Variants in MTUS2 observed in about 807,000 individuals in gnomAD.
MTUS2 encodes the protein microtubule associated scaffold protein 2.
MTUS2 carries 40 observed loss-of-function variants against 114.1 expected under a neutral mutation model. That is an observed-to-expected ratio of 0.35 (90% CI 0.27 to 0.46). The LOEUF (loss-of-function observed/expected upper bound fraction) is 0.46. Among genes scored for constraint, MTUS2 ranks in the 20% least tolerant of loss-of-function variants. The pLI is 1.00. For missense variants in MTUS2, 1,679 were observed against 1,705.4 expected (o/e 0.98, Z 0.27); for synonymous variants, 688 against 672.0 (o/e 1.02, Z -0.37).
chr13:28,997,164 T>C (rs1183841486), intron 2 of MTUS2, among the ~76,000 whole-genome samples: 1 of 152,220 alleles, frequency 6.6e-6, no homozygotes, highest in Admixed American at 6.5e-5. Flanking sequence ...CCAGTAGTCA[T>C]TCAGGAGCAG....
At chr13:29,371,970 A>ACCCCACCCC (rs1871218224) in intron 8 of MTUS2, among the ~76,000 whole-genome samples, 1 of 11,534 alleles carries the variant, frequency 8.7e-5, no homozygotes, top group Non-Finnish European at 2.6e-4. Flanking sequence ...AGTGTCCTCA[A>ACCCCACCCC]CCCCCGCCCC....
chr13:28,894,529 G>T (rs1443283589), intron 2 of MTUS2, among the ~76,000 whole-genome samples: 1 of 152,146 alleles, frequency 6.6e-6, no homozygotes, highest in Non-Finnish European at 1.5e-5. Context: ...TGTTGTTTGA[G>T]CCAGCCAGTC....
chr13:28,819,977 G>A (rs957094044), upstream of MTUS2, among the ~76,000 whole-genome samples: 1 of 147,162 alleles, frequency 6.8e-6, no homozygotes, highest in Non-Finnish European at 1.5e-5. Flanking sequence ...GCGTCTCCGG[G>A]CGGCCGGGAG....
chr13:29,224,799 G>A (rs984636382), intron 5 of MTUS2, among the ~76,000 whole-genome samples: 4 of 151,814 alleles, frequency 2.6e-5, no homozygotes, highest in Admixed American at 1.3e-4. Context: ...CACAATATTT[G>A]CCCTCCCTAT....
At chr13:28,879,424 G>A (rs748066479) in intron 2 of MTUS2, among the ~76,000 whole-genome samples, 12 of 152,116 alleles carry the variant, frequency 7.9e-5, no homozygotes, top group Admixed American at 4.6e-4. Flanking sequence ...GAACCTGAAC[G>A]TAAGGTCATA....
At chr13:29,294,435 C>G (rs532093169) in intron 6 of MTUS2, among the ~76,000 whole-genome samples, 3 of 152,270 alleles carry the variant, frequency 2.0e-5, no homozygotes, top group African/African-American at 7.2e-5. Flanking sequence ...ATTTCACTAT[C>G]ATGAAACAAT....
At chr13:28,966,482 G>T (rs1883588393) in intron 2 of MTUS2, among the ~76,000 whole-genome samples, 1 of 152,150 alleles carries the variant, frequency 6.6e-6, no homozygotes, top group African/African-American at 2.4e-5. Flanking sequence ...AGCACGTTGT[G>T]GGGGCTGAGG....
At chr13:29,022,277 G>A (rs558875827) in intron 2 of MTUS2, among the ~76,000 whole-genome samples, 2 of 152,310 alleles carry the variant, frequency 1.3e-5, no homozygotes, top group East Asian at 1.9e-4. Flanking sequence ...GAAACACAGA[G>A]GGCTTCAGTG....
rs942133804 is a variant in MTUS2, at chr13:29,396,169, G to A, written c.3117+36696G>A. 4.6e-5 allele frequency among the ~76,000 whole-genome samples: 7 copies of A among 152,202 alleles called. No homozygotes were observed. The East Asian group carries it at 5.8e-4, about 13-fold the overall frequency. On this transcript the variant is annotated intron_variant, in intron 8 of 15. Coordinates refer to ENST00000612955, the MANE Select transcript of MTUS2 (RefSeq NM_001033602.4). ...AAGACTTTTTAAAAAGAATTGTCACGTGGTCTGCATCATCTTTATAATCAT... is the reference window on the plus strand; with the variant it reads ...AAGACTTTTTAAAAAGAATTGTCACATGGTCTGCATCATCTTTATAATCAT...
intron 5 of MTUS2, among the ~76,000 whole-genome samples, chr13:29,215,492 T>TTTTC (rs1895641906): frequency 1.2e-5 from 1 of 85,392 alleles, no homozygotes; most frequent in Non-Finnish European, 2.5e-5. Flanking sequence ...TTTTTTTTTT[T>TTTTC]TTTCCCCATC....
chr13:29,329,804 G>A (rs1448987037), intron 7 of MTUS2, among the ~76,000 whole-genome samples: 2 of 151,754 alleles, frequency 1.3e-5, no homozygotes, highest in Non-Finnish European at 2.9e-5. Flanking sequence ...AGTAGAGATG[G>A]GGTTTCACCA....
intron 2 of MTUS2, among the ~76,000 whole-genome samples, chr13:28,842,176 A>G (rs1276058758): frequency 6.6e-6 from 1 of 152,010 alleles, no homozygotes; most frequent in East Asian, 1.9e-4. Context: ...CTCCCCCAAC[A>G]CACAAATGAT....
At chr13:28,858,592 A>G (rs565633985) in intron 2 of MTUS2, among the ~76,000 whole-genome samples, 1 of 152,240 alleles carries the variant, frequency 6.6e-6, no homozygotes, top group Non-Finnish European at 1.5e-5. Context: ...CGTGCCCACC[A>G]TCTATCCCCC....
At chr13:29,462,807 G>A (rs1242247230) in intron 9 of MTUS2, among the ~76,000 whole-genome samples, 5 of 152,058 alleles carry the variant, frequency 3.3e-5, no homozygotes, top group African/African-American at 7.2e-5. Context: ...TATGGAGACC[G>A]AGTGAAACCC....
At chr13:28,977,563 G>A (rs1593350608) in intron 2 of MTUS2, among the ~76,000 whole-genome samples, 1 of 152,110 alleles carries the variant, frequency 6.6e-6, no homozygotes, top group East Asian at 1.9e-4. Flanking sequence ...GCAATTATCC[G>A]ACAAAATAGA....
intron 2 of MTUS2, among the ~76,000 whole-genome samples, chr13:28,894,981 A>C (rs1458458412): frequency 1.3e-5 from 2 of 152,260 alleles, no homozygotes; most frequent in East Asian, 3.8e-4. Context: ...ACGTAAGATG[A>C]AACAGTTTAA....
chr13:29,235,105 A>C (rs9551632), intron 5 of MTUS2, among the ~76,000 whole-genome samples: 2 of 151,930 alleles, frequency 1.3e-5, no homozygotes, highest in Non-Finnish European at 2.9e-5. Flanking sequence ...TTAATTAATT[A>C]ATTTTTTTGA....
intron 8 of MTUS2, among the ~76,000 whole-genome samples, chr13:29,382,371 A>T (rs1872277399): frequency 6.6e-6 from 1 of 152,126 alleles, no homozygotes; most frequent in African/African-American, 2.4e-5. Flanking sequence ...GGGGAGGGTG[A>T]TGGGGGCCTG....
intron 5 of MTUS2, among the ~76,000 whole-genome samples, chr13:29,166,134 C>T (rs976782886): frequency 2.0e-5 from 3 of 152,196 alleles, no homozygotes; most frequent in Non-Finnish European, 4.4e-5. Flanking sequence ...CCTGACCACT[C>T]ATTCTAAGTA....
Sources: gnomAD v4.1 joint callset for allele counts (sites outside exome capture counted in the v4.1 genomes callset) on GRCh38, gnomAD v4.1.1 for gene constraint, MANE v1.5 for transcripts, NCBI Gene and HGNC (gene_info 2026-07-23, HGNC 2026-07-21) for gene names.